Variants in CLPTM1L observed in about 807,000 individuals in gnomAD.
The protein encoded by CLPTM1L is lipid scramblase CLPTM1L.
A neutral mutation model predicts 70.9 loss-of-function variants in CLPTM1L; 38 were observed. The observed-to-expected ratio is 0.54, with a 90% CI of 0.41 to 0.70. The LOEUF is 0.70. Ranked by LOEUF, CLPTM1L falls within the 30% of genes least tolerant of loss-of-function variation. The probability of loss-of-function intolerance (pLI) is 0.00; values close to 1 mark genes in which losing one functional copy is unlikely to be tolerated. For missense variants in CLPTM1L, 652 were observed against 705.9 expected, an observed-to-expected ratio of 0.92 and a Z score of 0.87; for synonymous variants, 339 against 299.9, an observed-to-expected ratio of 1.13 and a Z score of -1.35.
At chr5:1,333,061 G>A (rs1753226932) in intron 7 of CLPTM1L, among the ~76,000 whole-genome samples, 2 of 129,514 alleles carry the variant, frequency 1.5e-5, no homozygotes, top group Admixed American at 1.5e-4. Context: ...ACCGGATGAG[G>A]ATAAGGGGGG....
chr5:1,330,241 A>G (rs779265935), intron 9 of CLPTM1L, 39 bp downstream of exon 9: 1 of 1,549,848 alleles, frequency 6.5e-7, no homozygotes, highest in East Asian at 2.3e-5. Context: ...GTGGAGGCAC[A>G]TGGACCTCAG....
At chr5:1,336,416 G>A (rs1405978363) in intron 5 of CLPTM1L, among the ~76,000 whole-genome samples, 3 of 152,248 alleles carry the variant, frequency 2.0e-5, no homozygotes, top group Admixed American at 1.3e-4. Context: ...GCACAGCTGC[G>A]CCGCAAAGCC....
intron 9 of CLPTM1L, among the ~76,000 whole-genome samples, chr5:1,329,662 T>C (rs1752945438): frequency 8.6e-6 from 1 of 116,882 alleles, no homozygotes; most frequent in Non-Finnish European, 1.9e-5. Context: ...ACTCTCTGCC[T>C]GGTGGACAGG....
At chr5:1,331,740 G>C (rs1753104816) in intron 8 of CLPTM1L, 59 bp downstream of exon 8, 2 of 1,459,860 alleles carry the variant, frequency 1.4e-6, no homozygotes, top group Non-Finnish European at 1.9e-6. Context: ...CTCTACCGCA[G>C]GCTCCAGTGA....
chr5:1,329,166 C>A (rs1752899995), intron 9 of CLPTM1L, among the ~76,000 whole-genome samples: 1 of 152,258 alleles, frequency 6.6e-6, no homozygotes, highest in South Asian at 2.1e-4. Flanking sequence ...CCATCGCCCC[C>A]CTCAAGGGTT....
chr5:1,330,170 C>G (rs1752988538), intron 9 of CLPTM1L, 110 bp downstream of exon 9: 1 of 873,558 alleles, frequency 1.1e-6, no homozygotes, highest in African/African-American at 1.7e-5. Flanking sequence ...CCATCGGGAA[C>G]AAGCACACAG....
At chr5:1,340,141 T>C (rs1172079835) in intron 3 of CLPTM1L, among the ~76,000 whole-genome samples, 1 of 152,226 alleles carries the variant, frequency 6.6e-6, no homozygotes, top group East Asian at 1.9e-4. Context: ...GGTCACGGAC[T>C]TCACCAATTC....
At chr5:1,328,934 A>G (rs1190112901) in intron 9 of CLPTM1L, among the ~76,000 whole-genome samples, 10 of 150,738 alleles carry the variant, frequency 6.6e-5, no homozygotes, top group Non-Finnish European at 1.5e-4. Context: ...CCTCCTCTAC[A>G]GGGACATTCC....
chr5:1,338,991 C>T lies in CLPTM1L; in HGVS notation c.468G>A (p.Glu156=). The T allele has an allele frequency of 6.8e-6, 11 of 1,613,124 alleles. No homozygotes were observed. Among genetic ancestry groups the T allele is most frequent in the Non-Finnish European group, 9.3e-6 (11 of 1,179,916 alleles). ...CATCCAGGGCACTCGTCGGCTTCTTCTCCGCCTCGATCTGCTGTTAAGTGA... is the reference window on the plus strand; with the variant it reads ...CATCCAGGGCACTCGTCGGCTTCTTTTCCGCCTCGATCTGCTGTTAAGTGA... ...GESDTQQIEA[E]KKPTSALDEP... The change falls in exon 4 of 17, where the codon GAG becomes GAA. Residue 156 remains glutamate (E), a synonymous_variant. Coordinates refer to ENST00000320895, the MANE Select transcript of CLPTM1L (RefSeq NM_030782.5).
Position 1,318,489 on chromosome 5 carries a change from A to G in CLPTM1L, c.1533-36T>C. The G allele has an allele frequency of 6.5e-7, 1 of 1,531,974 alleles. No homozygotes were observed. The highest frequency in any genetic ancestry group is 9.0e-7 in the Non-Finnish European group (1 of 1,108,740). The allele number at this position is 1,531,974 out of a possible 1,614,324, so 94.9% of individuals were successfully genotyped here. A position where few individuals can be genotyped will look rare whatever the true frequency, so the allele number is the denominator to read the frequency against. Reference sequence around the variant, plus strand: ...ACAAATGAGCACATCAGCAAACCCCACTGCAGGGGCTATTTTTCTAAGAGG... The same window carrying G: ...ACAAATGAGCACATCAGCAAACCCCGCTGCAGGGGCTATTTTTCTAAGAGG... On this transcript the variant is annotated intron_variant, in intron 16 of 16. Coordinates refer to ENST00000320895, the MANE Select transcript of CLPTM1L (RefSeq NM_030782.5). This position sits in a 1 kb window ranked among gnomAD's most constrained non-coding sequence, Gnocchi z 8.9.
Position 1,345,051 on chromosome 5 carries a change from A to C in CLPTM1L, c.-210T>G. 1 of 162,910 alleles carries C rather than the reference A, an allele frequency of 6.1e-6. No homozygotes were observed. Among genetic ancestry groups the C allele is most frequent in the Non-Finnish European group, 1.3e-5 (1 of 78,832 alleles). 10.1% of individuals were successfully genotyped at this position (162,910 alleles called of 1,614,324 possible). ...CCCCGCTCCCACCTGGCGCCGCGGG[A>C]TTCGCCGGCCCCGCGCGCCGCTTCC... is the stretch of plus-strand genomic sequence containing the variant. On this transcript the variant is annotated 5_prime_UTR_variant, in exon 1 of 17. Coordinates refer to ENST00000320895, the MANE Select transcript of CLPTM1L (RefSeq NM_030782.5).
Position 1,342,050 on chromosome 5 carries a change from G to A in CLPTM1L, c.264-190C>T, listed in dbSNP as rs1468305702. On this transcript the variant is annotated intron_variant, in intron 2 of 16. Transcript: ENST00000320895. The surrounding 1 kb of genome is among the most constrained non-coding windows in gnomAD (Gnocchi z 4.3). ...TGTGTGTGTGTGTGTGCACGCGCAC[G>A]CGTGCGCGTCCTGAGAACTCGGCAC... Among the ~76,000 whole-genome samples the A allele has an allele frequency of 6.0e-5, 9 of 150,436 alleles. No individual in the cohort carries two copies. Among genetic ancestry groups the A allele is most frequent in the Admixed American group, 1.3e-4 (2 of 15,106 alleles).
Position 1,330,315 on chromosome 5 carries a change from C to A in CLPTM1L, c.1045G>T (p.Val349Leu), listed in dbSNP as rs140176078. The change falls in exon 9 of 17, where the codon GTG becomes TTG. Residue 349 changes from valine to leucine, a missense_variant. Physicochemically the swap from Val to Leu is conservative, Grantham distance 32 (BLOSUM62 1). This residue lies in a region of CLPTM1L where 240 missense variants were observed against 295.0 expected (regional missense o/e 0.81). Transcript: ENST00000320895. ...FLLDEQTSLL[V>L]LVPAGVGAAI... Reference sequence around the variant, plus strand: ...GCTCCAACACCCGCCGGGACCAGCACCAGCAGGCTCGTCTGCTCGTCCAGC... The same window carrying A: ...GCTCCAACACCCGCCGGGACCAGCAACAGCAGGCTCGTCTGCTCGTCCAGC... 7.4e-6 allele frequency: 12 copies of A among 1,612,724 alleles called. No individual in the cohort carries two copies. In the African/African-American group the frequency reaches 1.6e-4, roughly 22 times the overall value.
intron 15 of CLPTM1L, 66 bp downstream of exon 15, chr5:1,321,569 C>A: frequency 6.9e-7 from 1 of 1,439,104 alleles, no homozygotes; most frequent in Non-Finnish European, 9.8e-7. Context: ...ATGCTGTTGG[C>A]TGGAAGACGC....
chr5:1,334,856 A>T (rs1227770013), intron 6 of CLPTM1L, among the ~76,000 whole-genome samples: 1 of 152,260 alleles, frequency 6.6e-6, no homozygotes, highest in Non-Finnish European at 1.5e-5. Flanking sequence ...TATGTTCTTA[A>T]TAAAGCCAAT....
At chr5:1,321,573 A>G in intron 15 of CLPTM1L, 62 bp downstream of exon 15, 1 of 1,465,766 alleles carries the variant, frequency 6.8e-7, no homozygotes, top group East Asian at 2.3e-5. Flanking sequence ...TGTTGGCTGG[A>G]AGACGCCCTT....
At chr5:1,330,901 C>T (rs1753045360) in intron 8 of CLPTM1L, 1 of 154,278 alleles carries the variant, frequency 6.5e-6, no homozygotes, top group Admixed American at 6.5e-5. Context: ...GCTGGCCACT[C>T]CAACCCAGGA....
intron 4 of CLPTM1L, 106 bp downstream of exon 4, chr5:1,338,754 C>T: frequency 7.3e-7 from 1 of 1,360,672 alleles, no homozygotes; most frequent in Non-Finnish European, 1.0e-6. Flanking sequence ...CAAGTGCCTC[C>T]CCACAGAGGG....
At chr5:1,325,506 G>A (rs543059489) in intron 10 of CLPTM1L, 3 of 534,416 alleles carry the variant, frequency 5.6e-6, no homozygotes, top group South Asian at 6.0e-5. Flanking sequence ...CCTCCCAGAG[G>A]CCGGCTCAGG....
Sources: gnomAD v4.1 joint callset for allele counts (sites outside exome capture counted in the v4.1 genomes callset) on GRCh38, gnomAD v4.1.1 for gene constraint, gnomAD v4.1.1 regional missense constraint, Gnocchi (gnomAD v3.1) non-coding constraint, MANE v1.5 for transcripts, NCBI Gene and HGNC (gene_info 2026-07-23, HGNC 2026-07-21) for gene names.